Variants in MGAT4C observed in about 807,000 individuals in gnomAD.
The protein encoded by MGAT4C is MGAT4 family member C, also known as alpha-1,3-mannosyl-glycoprotein 4-beta-N-acetylglucosaminyltransferase C.
Under a neutral mutation model 40.1 loss-of-function variants are expected in MGAT4C, and 19 were observed. The ratio of observed to expected loss-of-function variants is 0.47; its 90% CI spans 0.33 to 0.70. The LOEUF is 0.70. Among genes scored for constraint, MGAT4C ranks in the 30% least tolerant of loss-of-function variants. The probability of loss-of-function intolerance (pLI) is 0.02; values close to 1 mark genes in which losing one functional copy is unlikely to be tolerated. For missense variants in MGAT4C, 491 were observed against 563.2 expected (o/e 0.87, Z 1.30); for synonymous variants, 181 against 187.1 (o/e 0.97, Z 0.27).
chr12:86,458,014 CT>C (rs1210670762), intron 2 of MGAT4C, among the ~76,000 whole-genome samples: 2 of 152,006 alleles, frequency 1.3e-5, no homozygotes, highest in East Asian at 1.9e-4. Context: ...TAAATTAAAA[CT>C]TTTTTGTCAA....
intron 2 of MGAT4C, among the ~76,000 whole-genome samples, chr12:86,642,854 TA>T (rs1963430742): frequency 6.6e-6 from 1 of 151,580 alleles, no homozygotes; most frequent in African/African-American, 2.4e-5. Flanking sequence ...AAACCTATAA[TA>T]AAAAAGACAG....
rs76564239 is a variant in MGAT4C, at chr12:86,681,096, C to T, written c.-229+46113G>A. Among the ~76,000 whole-genome samples the T allele has an allele frequency of 8.6e-5, 13 of 151,780 alleles. No individual in the cohort carries two copies. The East Asian group carries it at 1.9e-3, about 23-fold the overall frequency. On this transcript the variant is annotated intron_variant, in intron 2 of 7. Coordinates refer to the MGAT4C transcript ENST00000548651. ...CTCGTGGAAAATAAAATATATATTA[C>T]TTAGTAATTTCTGTGATATATGTGA...
intron 1 of MGAT4C, among the ~76,000 whole-genome samples, chr12:86,122,287 A>G (rs1040605678): frequency 2.0e-5 from 3 of 152,280 alleles, no homozygotes; most frequent in African/African-American, 7.2e-5. Context: ...TTCAGGCACT[A>G]TAAAAATGTG....
chr12:86,137,403 T>C (rs922973310), intron 1 of MGAT4C, among the ~76,000 whole-genome samples: 6 of 152,208 alleles, frequency 3.9e-5, no homozygotes, highest in African/African-American at 1.4e-4. Flanking sequence ...TCATCTGTCC[T>C]TCTACTGACC....
intron 4 of MGAT4C, among the ~76,000 whole-genome samples, chr12:86,266,029 A>G (rs1429381285): frequency 6.6e-6 from 1 of 152,118 alleles, no homozygotes; most frequent in Non-Finnish European, 1.5e-5. Flanking sequence ...CAAATTTAAG[A>G]GCTTTTTCTA....
chr12:86,576,474 C>T (rs1035236787), intron 2 of MGAT4C, among the ~76,000 whole-genome samples: 2 of 151,738 alleles, frequency 1.3e-5, no homozygotes, highest in South Asian at 2.1e-4. Context: ...AGATTTTAGC[C>T]TTTAATCCAC....
chr12:86,071,367 T>C (rs1294653933), intron 1 of MGAT4C, among the ~76,000 whole-genome samples: 1 of 152,074 alleles, frequency 6.6e-6, no homozygotes, highest in Non-Finnish European at 1.5e-5. Context: ...ACAGACCCAA[T>C]TGTTTTTTGA....
At chr12:86,795,624 G>A (rs1360184729) in intron 1 of MGAT4C, among the ~76,000 whole-genome samples, 1 of 151,884 alleles carries the variant, frequency 6.6e-6, no homozygotes, top group Non-Finnish European at 1.5e-5. Context: ...GAAAGAGAGA[G>A]AGAGAGAAAT....
intron 1 of MGAT4C, among the ~76,000 whole-genome samples, chr12:86,833,996 T>C (rs372944093): frequency 6.6e-6 from 1 of 152,036 alleles, no homozygotes; most frequent in African/African-American, 2.4e-5. Flanking sequence ...TTGTCATAAA[T>C]GACCAAATTT....
intron 1 of MGAT4C, among the ~76,000 whole-genome samples, chr12:86,208,221 T>A: frequency 6.6e-6 from 1 of 152,302 alleles, no homozygotes; most frequent in African/African-American, 2.4e-5. Flanking sequence ...ATCCCAGCAC[T>A]TTGGGAGGCC....
chr12:86,584,276 T>G (rs569179199), intron 2 of MGAT4C, among the ~76,000 whole-genome samples: 1 of 150,906 alleles, frequency 6.6e-6, no homozygotes, highest in Non-Finnish European at 1.5e-5. Context: ...CATAGAGAAT[T>G]TAGGATGTCT....
intron 1 of MGAT4C, among the ~76,000 whole-genome samples, chr12:86,137,510 A>G (rs767941611): frequency 1.1e-4 from 16 of 152,176 alleles, no homozygotes; most frequent in Non-Finnish European, 2.1e-4. Context: ...ATAAAACATT[A>G]CTTCTTATAT....
chr12:86,515,473 T>A (rs931676450), intron 2 of MGAT4C, among the ~76,000 whole-genome samples: 1 of 152,136 alleles, frequency 6.6e-6, no homozygotes, highest in Non-Finnish European at 1.5e-5. Context: ...TTAATTATAT[T>A]TTTATACACT....
At chr12:86,681,088 A>T (rs1949973072) in intron 2 of MGAT4C, among the ~76,000 whole-genome samples, 1 of 151,894 alleles carries the variant, frequency 6.6e-6, no homozygotes, top group Admixed American at 6.6e-5. Context: ...AAAATAAAAT[A>T]TATATTACTT....
intron 2 of MGAT4C, among the ~76,000 whole-genome samples, chr12:86,696,889 T>C (rs944455351): frequency 6.6e-6 from 1 of 152,296 alleles, no homozygotes; most frequent in African/African-American, 2.4e-5. Flanking sequence ...AGCTATATTC[T>C]GAACTATGGA....
At chr12:86,627,349 C>T (rs1962849729) in intron 2 of MGAT4C, among the ~76,000 whole-genome samples, 1 of 152,198 alleles carries the variant, frequency 6.6e-6, no homozygotes, top group African/African-American at 2.4e-5. Context: ...CCCTCTCTGA[C>T]AGCTCTGAAG....
At chr12:86,814,637 A>AC (rs1009264866) in intron 1 of MGAT4C, among the ~76,000 whole-genome samples, 2 of 151,904 alleles carry the variant, frequency 1.3e-5, no homozygotes, top group Non-Finnish European at 2.9e-5. Flanking sequence ...TGTTTGTATT[A>AC]CCCCGAAATT....
intron 4 of MGAT4C, among the ~76,000 whole-genome samples, chr12:86,307,792 T>A (rs1163018533): frequency 6.7e-6 from 1 of 150,108 alleles, no homozygotes; most frequent in African/African-American, 2.5e-5. Flanking sequence ...AAGCTCCACC[T>A]CCCGGGTTCA....
At chr12:86,782,756 A>G (rs1951867116) in intron 1 of MGAT4C, among the ~76,000 whole-genome samples, 1 of 151,992 alleles carries the variant, frequency 6.6e-6, no homozygotes, top group Admixed American at 6.6e-5. Context: ...AAAAAAAGAA[A>G]GAGATACCAA....
Sources: allele counts gnomAD v4.1 joint callset (sites outside exome capture counted in the v4.1 genomes callset), GRCh38; gene constraint gnomAD v4.1.1; transcripts MANE v1.5; gene names NCBI Gene and HGNC (gene_info 2026-07-23, HGNC 2026-07-21).